The following KCMF1 variants were observed in gnomAD, a reference collection of about 807,000 sequenced individuals.
The protein encoded by KCMF1 is potassium channel modulatory factor 1, also known as E3 ubiquitin-protein ligase KCMF1.
In KCMF1, 3 loss-of-function variants were observed where a neutral mutation model predicts 41.1. The observed-to-expected ratio is 0.07, with a 90% CI of 0.03 to 0.19. The LOEUF (loss-of-function observed/expected upper bound fraction) is 0.19, where lower values mean the gene tolerates loss of function less well. KCMF1 is among the 10% of genes least tolerant of loss of function. The pLI, the probability that KCMF1 is intolerant of heterozygous loss-of-function variation, is 1.00. For missense variants in KCMF1, 286 were observed against 488.9 expected (o/e 0.58, Z 3.91); for synonymous variants, 142 against 164.5 (o/e 0.86, Z 1.04).
At chr2:85,003,926 G>A (rs2103993147) in intron 1 of KCMF1, among the ~76,000 whole-genome samples, 1 of 152,258 alleles carries the variant, frequency 6.6e-6, no homozygotes, top group East Asian at 1.9e-4. Flanking sequence ...CTTTATCTGA[G>A]GGGGGACATT....
intron 1 of KCMF1, among the ~76,000 whole-genome samples, chr2:85,019,917 C>T (rs1383021902): frequency 5.9e-5 from 9 of 151,802 alleles, no homozygotes; most frequent in African/African-American, 1.7e-4. Context: ...ATATATATTA[C>T]AGAAATGATT....
intron 1 of KCMF1, among the ~76,000 whole-genome samples, chr2:84,995,531 C>A (rs1452258420): frequency 6.6e-6 from 1 of 152,182 alleles, no homozygotes; most frequent in Non-Finnish European, 1.5e-5. Flanking sequence ...AGATGTCAGG[C>A]TGTTCCTTTA....
At chr2:85,013,575 G>A (rs760208801) in intron 1 of KCMF1, among the ~76,000 whole-genome samples, 9 of 152,034 alleles carry the variant, frequency 5.9e-5, no homozygotes, top group Non-Finnish European at 1.2e-4. Flanking sequence ...CGAGGTGGGC[G>A]GATCACGAGG....
intron 1 of KCMF1, among the ~76,000 whole-genome samples, chr2:85,007,019 T>C (rs1216872554): frequency 6.8e-6 from 1 of 148,042 alleles, no homozygotes; most frequent in African/African-American, 2.5e-5. Context: ...GAGAATCGCT[T>C]GGACCCGGGA....
intron 1 of KCMF1, among the ~76,000 whole-genome samples, chr2:84,985,754 A>G (rs1348459613): frequency 6.6e-6 from 1 of 151,784 alleles, no homozygotes; most frequent in Non-Finnish European, 1.5e-5. Flanking sequence ...GCTTGAAACC[A>G]GAAGGCGGAG....
Position 85,056,641 on chromosome 2 carries a change from T to C in KCMF1, c.*3232T>C, listed in dbSNP as rs184914593. On this transcript the variant is annotated 3_prime_UTR_variant, in exon 7 of 7. Transcript: ENST00000409785. ...GCAGGTGGCTGCAGAAAAGAATCTTTTGAATGGGATTCCTGTAACAGTGTT... is the reference window on the plus strand; with the variant it reads ...GCAGGTGGCTGCAGAAAAGAATCTTCTGAATGGGATTCCTGTAACAGTGTT... 4 of 152,310 alleles carry C rather than the reference T, an allele frequency of 2.6e-5. No homozygotes were observed. Among genetic ancestry groups the C allele is most frequent in the Admixed American group, 2.0e-4 (3 of 15,294 alleles). 9.4% of individuals were successfully genotyped at this position (152,310 alleles called of 1,614,324 possible). A position where few individuals can be genotyped will look rare whatever the true frequency, so the allele number is the denominator to read the frequency against.
At chr2:84,982,106 CT>C (rs1673772543) in intron 1 of KCMF1, among the ~76,000 whole-genome samples, 1 of 152,094 alleles carries the variant, frequency 6.6e-6, no homozygotes, top group Admixed American at 6.6e-5. Context: ...TTGTGATTAT[CT>C]TTTGATACTT....
chr2:85,018,795 A>ATTTTTT (rs34627507), intron 1 of KCMF1, among the ~76,000 whole-genome samples: 10 of 73,694 alleles, frequency 1.4e-4, no homozygotes, highest in African/African-American at 2.6e-4. Context: ...CAGAACTTTG[A>ATTTTTT]TTTTTTTTTT....
intron 5 of KCMF1, among the ~76,000 whole-genome samples, chr2:85,047,634 A>C (rs947570216): frequency 2.0e-5 from 3 of 151,788 alleles, no homozygotes; most frequent in African/African-American, 4.8e-5. Flanking sequence ...GAACCTGGCC[A>C]TGTCACTGAG....
chr2:85,053,466 C>T lies in KCMF1; in HGVS notation c.*57C>T. On this transcript the variant is annotated 3_prime_UTR_variant, in exon 7 of 7. Coordinates refer to ENST00000409785, the MANE Select transcript of KCMF1 (RefSeq NM_020122.5). ...TGCTGTATTTGCCAATGAAAGTGGA[C>T]AACAACTATCTTGGGTTTGTTTGGT... 6.6e-7 allele frequency: 1 copy of T among 1,513,570 alleles called. No homozygotes were observed. The highest frequency in any genetic ancestry group is 8.9e-7 in the Non-Finnish European group (1 of 1,121,758). 93.8% of individuals were successfully genotyped at this position (1,513,570 alleles called of 1,614,324 possible).
At chr2:84,977,554 C>T (rs989574930) in intron 1 of KCMF1, among the ~76,000 whole-genome samples, 3 of 151,722 alleles carry the variant, frequency 2.0e-5, no homozygotes, top group African/African-American at 2.4e-5. Flanking sequence ...CATAGCAGGT[C>T]GGACCACAGG....
At chr2:85,040,466 A>G (rs1675501433) in intron 3 of KCMF1, among the ~76,000 whole-genome samples, 1 of 151,764 alleles carries the variant, frequency 6.6e-6, no homozygotes, top group Admixed American at 6.6e-5. Flanking sequence ...CCCACTCCCC[A>G]CCACCTCTTT....
rs1426886983 is a variant in KCMF1, at chr2:85,049,519, G to A, written c.755G>A (p.Arg252His). ...GCACGGCAACAACTGGAGACCGCAC[G>A]CAACGCAACCCGGCGTACTAACACA... is the stretch of plus-strand genomic sequence containing the variant. ...QAARQQLETA[R>H]NATRRTNTSS... The change falls in exon 6 of 7, where the codon CGC becomes CAC. Residue 252 changes from arginine to histidine, a missense_variant. This residue lies in a region of KCMF1 where 191 missense variants were observed against 279.3 expected (regional missense o/e 0.68). Coordinates refer to ENST00000409785, the MANE Select transcript of KCMF1 (RefSeq NM_020122.5). 16 of 1,613,882 alleles carry A rather than the reference G, an allele frequency of 9.9e-6. No homozygotes were observed. The highest frequency in any genetic ancestry group is 1.6e-4 in the Middle Eastern group (1 of 6,084).
chr2:85,018,402 TG>T (rs1015541220), intron 1 of KCMF1, among the ~76,000 whole-genome samples: 1 of 151,440 alleles, frequency 6.6e-6, no homozygotes, highest in African/African-American at 2.4e-5. Context: ...CCCGAGTACA[TG>T]GGATTACAGG....
At chr2:85,041,507 A>G (rs978918270) in intron 3 of KCMF1, among the ~76,000 whole-genome samples, 19 of 152,206 alleles carry the variant, frequency 1.2e-4, no homozygotes, top group Non-Finnish European at 2.4e-4. Context: ...CTTTGCAGCT[A>G]TCATTGGACA....
intron 4 of KCMF1, among the ~76,000 whole-genome samples, chr2:85,044,681 C>A (rs1675620686): frequency 6.6e-6 from 1 of 151,680 alleles, no homozygotes; most frequent in African/African-American, 2.4e-5. Flanking sequence ...TGCGCCTGGC[C>A]AATTTTTGTA....
At chr2:85,008,354 A>ATCATATATAATATATATG (rs1394581511) in intron 1 of KCMF1, among the ~76,000 whole-genome samples, 3 of 56,484 alleles carry the variant, frequency 5.3e-5, no homozygotes, top group African/African-American at 2.6e-4. Context: ...TATAATATAT[A>ATCATATATAATATATATG]ATATATATTA....
intron 2 of KCMF1, among the ~76,000 whole-genome samples, chr2:85,030,294 T>C (rs533539969): frequency 7.5e-4 from 115 of 152,338 alleles, no homozygotes; most frequent in Non-Finnish European, 1.5e-3. Flanking sequence ...GGGTTGTGTT[T>C]TCACTTTCTT....
In KCMF1 at chr2:85,057,633, G is replaced by A. The variant is rs1675966106; in HGVS notation, c.*4224G>A. The A allele has an allele frequency of 6.6e-6, 1 of 152,188 alleles. No homozygotes were observed. Among genetic ancestry groups the A allele is most frequent in the Non-Finnish European group, 1.5e-5 (1 of 68,050 alleles). The allele number at this position is 152,188 out of a possible 1,614,324, so 9.4% of individuals were successfully genotyped here. ...CCCTGTGCTTATCGGCTTCAACTGT[G>A]CTTACACAACGTTTGTTTCTAATTC... On this transcript the variant is annotated 3_prime_UTR_variant, in exon 7 of 7. Coordinates refer to ENST00000409785, the MANE Select transcript of KCMF1 (RefSeq NM_020122.5).
Sources: gnomAD v4.1 joint callset for allele counts (sites outside exome capture counted in the v4.1 genomes callset) on GRCh38, gnomAD v4.1.1 for gene constraint, gnomAD v4.1.1 regional missense constraint, MANE v1.5 for transcripts, NCBI Gene and HGNC (gene_info 2026-07-23, HGNC 2026-07-21) for gene names.